The following SLC37A3 variants were observed in gnomAD, a reference collection of about 807,000 sequenced individuals.
SLC37A3 encodes sugar phosphate exchanger 3.
SLC37A3 carries 51 observed loss-of-function variants against 67.1 expected under a neutral mutation model. That is an observed-to-expected ratio of 0.76 (90% CI 0.61 to 0.96). The LOEUF (loss-of-function observed/expected upper bound fraction) is 0.96, where lower values mean the gene tolerates loss of function less well. Ranked by LOEUF, SLC37A3 falls within the 40% of genes least tolerant of loss-of-function variation. The pLI is 0.00. For synonymous variants in SLC37A3, 214 were observed against 231.4 expected (o/e 0.92, Z 0.68); for missense variants, 508 against 603.0 (o/e 0.84, Z 1.65).
At chr7:140,358,935 G>A in intron 5 of SLC37A3, 150 bp from the exon 6 acceptor site, 8 of 979,836 alleles carry the variant, frequency 8.2e-6, no homozygotes, top group Non-Finnish European at 1.2e-5. Context: ...GCATCACAAA[G>A]GTCCTGCTCA....
At chr7:140,338,776 T>C (rs1796242751) in intron 13 of SLC37A3, among the ~76,000 whole-genome samples, 1 of 150,636 alleles carries the variant, frequency 6.6e-6, no homozygotes, top group South Asian at 2.1e-4. Context: ...CCGGACTTTC[T>C]TTCTTTTTAA....
intron 3 of SLC37A3, among the ~76,000 whole-genome samples, chr7:140,373,487 T>C (rs1363102385): frequency 6.6e-6 from 1 of 152,178 alleles, no homozygotes; most frequent in African/African-American, 2.4e-5. Context: ...AGTGCACTGA[T>C]ACAGTTTCAG....
rs1245810624 is a variant in SLC37A3 at position 140,364,447 on chromosome 7, T to C, written c.336A>G (p.Arg112=). The C allele has an allele frequency of 6.2e-7, 1 of 1,613,738 alleles. No homozygotes were observed. The highest frequency in any genetic ancestry group is 2.2e-5 in the East Asian group (1 of 44,850). Residue 112 remains arginine (R), a synonymous_variant, in exon 5 of 15, where the codon CGA becomes CGG. Transcript: ENST00000326232. ...SGIVGDRLNL[R]WVLSFGMCSS... ...AGCACATGCCAAAAGACAGAACCCA[T>C]CGCAAATTCAACCGATCCCCAACGA...
intron 12 of SLC37A3, chr7:140,343,918 C>T (rs768332096): frequency 9.7e-5 from 22 of 226,194 alleles, no homozygotes; most frequent in Middle Eastern, 1.7e-3. Context: ...TTCCACTACA[C>T]AAATTCAACC....
chr7:140,363,851 A>G (rs980788693), intron 5 of SLC37A3, among the ~76,000 whole-genome samples: 1 of 151,824 alleles, frequency 6.6e-6, no homozygotes, highest in African/African-American at 2.4e-5. Context: ...TATGATGGGA[A>G]GGCAGGCTGG....
At chr7:140,395,149 A>C (rs1798867583) in intron 1 of SLC37A3, among the ~76,000 whole-genome samples, 1 of 151,784 alleles carries the variant, frequency 6.6e-6, no homozygotes, top group Non-Finnish European at 1.5e-5. Flanking sequence ...AGGCCAAGGC[A>C]GGTGGATCAC....
rs772891032 is a variant in SLC37A3 at position 140,335,396 on chromosome 7, G to C, written c.*16C>G. On this transcript the variant is annotated 3_prime_UTR_variant, in exon 15 of 15. Coordinates refer to ENST00000326232, the MANE Select transcript of SLC37A3 (RefSeq NM_207113.3). ...TGATGTGGCTGACATTGTTCTTTCT[G>C]TCTCGCGGGCACCGGTCACTCCCTC... 22 of 1,614,032 alleles carry C rather than the reference G, an allele frequency of 1.4e-5. No individual in the cohort carries two copies. The East Asian group carries it at 4.2e-4, about 31-fold the overall frequency.
intron 1 of SLC37A3, among the ~76,000 whole-genome samples, chr7:140,390,061 C>A (rs1798665052): frequency 6.6e-6 from 1 of 152,080 alleles, no homozygotes; most frequent in African/African-American, 2.4e-5. Flanking sequence ...CACAGTCCTG[C>A]CTAGGTGACA....
At chr7:140,369,549 C>T in intron 4 of SLC37A3, 41 bp downstream of exon 4, 1 of 1,552,882 alleles carries the variant, frequency 6.4e-7, no homozygotes, top group Non-Finnish European at 8.8e-7. Flanking sequence ...TTTATATTTA[C>T]ATTTTTCTTT....
intron 9 of SLC37A3, among the ~76,000 whole-genome samples, chr7:140,350,351 A>G (rs941657160): frequency 5.3e-5 from 8 of 152,190 alleles, no homozygotes; most frequent in Admixed American, 4.6e-4. Flanking sequence ...TCAAGACAGA[A>G]AAACTGCAGC....
chr7:140,337,251 G>T (rs1377597749), intron 14 of SLC37A3, 33 bp downstream of exon 14: 5 of 1,477,476 alleles, frequency 3.4e-6, no homozygotes, highest in Non-Finnish European at 4.5e-6. Flanking sequence ...ACAGAAAAAT[G>T]ACTTTTTTTT....
rs538409636 is a variant in SLC37A3, at chr7:140,351,181, G to A, written c.882+92C>T. ...TCCTAAAATAAAGTATCCAACAGAG[G>A]CTCAATACTTAAGGAAGCTTTATCT... On this transcript the variant is annotated intron_variant, in intron 9 of 14. Transcript: ENST00000326232. 3 of 1,266,208 alleles carry A rather than the reference G, an allele frequency of 2.4e-6. No individual in the cohort carries two copies. The African/African-American group carries it at 4.5e-5, about 19-fold the overall frequency. 78.4% of individuals were successfully genotyped at this position (1,266,208 alleles called of 1,614,324 possible). A position where few individuals can be genotyped will look rare whatever the true frequency, so the allele number is the denominator to read the frequency against.
rs183845892 is a variant in SLC37A3, at chr7:140,342,232, T to C, written c.1326+1180A>G. On this transcript the variant is annotated intron_variant, in intron 13 of 14. Coordinates refer to ENST00000326232, the MANE Select transcript of SLC37A3 (RefSeq NM_207113.3). ...CTTACTTTACCTCAATACTTATCTC[T>C]CATTAACCACTAGCAATCAGACATC... is the stretch of plus-strand genomic sequence containing the variant. 1.8e-3 allele frequency among the ~76,000 whole-genome samples: 271 copies of C among 152,274 alleles called. 1 individual carries two copies. The highest frequency in any genetic ancestry group is 0.013 in the Admixed American group (197 of 15,294).
chr7:140,337,440 A>C (rs559567961), intron 13 of SLC37A3, 91 bp from the exon 14 acceptor site: 2 of 1,054,822 alleles, frequency 1.9e-6, no homozygotes, highest in South Asian at 3.5e-5. Context: ...GCTATTTTAG[A>C]AAATAAGAAG....
intron 4 of SLC37A3, among the ~76,000 whole-genome samples, chr7:140,367,754 C>T (rs192919093): frequency 7.6e-4 from 115 of 151,910 alleles, no homozygotes; most frequent in African/African-American, 2.5e-3. Flanking sequence ...CCTATCCTGA[C>T]GCTGAATTAC....
intron 12 of SLC37A3, among the ~76,000 whole-genome samples, chr7:140,345,011 G>A (rs61024048): frequency 0.062 from 9,365 of 152,212 alleles, 544 homozygotes; most frequent in African/African-American, 0.15. Context: ...AATAGGGACC[G>A]CTTCTGTCAC....
chr7:140,386,449 C>CAAT (rs59004511), intron 1 of SLC37A3, among the ~76,000 whole-genome samples: 5,196 of 146,506 alleles, frequency 0.035, 267 homozygotes, highest in African/African-American at 0.11. Context: ...TATGCAATTA[C>CAAT]AATAATAATA....
chr7:140,371,909 T>C (rs981109235), intron 3 of SLC37A3, among the ~76,000 whole-genome samples: 1 of 152,028 alleles, frequency 6.6e-6, no homozygotes, highest in African/African-American at 2.4e-5. Context: ...TGGAGTGCAA[T>C]GGCACGATCT....
Position 140,337,326 on chromosome 7 carries a change from G to T in SLC37A3, c.1350C>A (p.Asp450Glu), listed in dbSNP as rs767604281. 1 of 1,599,704 alleles carries T rather than the reference G, an allele frequency of 6.3e-7. No individual in the cohort carries two copies. The highest frequency in any genetic ancestry group is 2.3e-5 in the East Asian group (1 of 44,270). The change falls in exon 14 of 15, where the codon GAC becomes GAA. Residue 450 changes from aspartate (D) to glutamate (E), a missense_variant. By Grantham distance (45) the Asp-to-Glu change is conservative. Transcript: ENST00000326232. Reference protein sequence around the residue: ...VGQYLVSLIRDKLGWMWVFYF... With the variant: ...VGQYLVSLIREKLGWMWVFYF... The stretch of plus-strand genomic sequence containing the variant: ...AGAAAACCCACATCCATCCTAGCTT[G>T]TCCCGGATCAGAGACACTAAATACT...
Sources: gnomAD v4.1 joint callset for allele counts (sites outside exome capture counted in the v4.1 genomes callset) on GRCh38, gnomAD v4.1.1 for gene constraint, MANE v1.5 for transcripts, NCBI Gene and HGNC (gene_info 2026-07-23, HGNC 2026-07-21) for gene names.